Variants in CLIP1 observed in about 807,000 individuals in gnomAD.
CLIP1 encodes the protein CAP-Gly domain containing linker protein 1, also known as CAP-Gly domain-containing linker protein 1.
CLIP1 carries 66 observed loss-of-function variants against 161.6 expected under a neutral mutation model. That is an observed-to-expected ratio of 0.41 (90% CI 0.33 to 0.50). CLIP1 has a LOEUF of 0.50. Among genes scored for constraint, CLIP1 ranks in the 20% least tolerant of loss-of-function variants. The pLI is 0.27. For synonymous variants in CLIP1, 598 were observed against 626.2 expected, an observed-to-expected ratio of 0.96 and a Z score of 0.67; for missense variants, 1,376 against 1,702.0, an observed-to-expected ratio of 0.81 and a Z score of 3.37.
At chr12:122,330,894 C>G (rs1157540076) in intron 15 of CLIP1, among the ~76,000 whole-genome samples, 2 of 151,894 alleles carry the variant, frequency 1.3e-5, no homozygotes, top group African/African-American at 2.4e-5. Context: ...AGCCACCACG[C>G]CCGGCCTACA....
intron 3 of CLIP1, among the ~76,000 whole-genome samples, chr12:122,372,404 A>G (rs1954496393): frequency 6.6e-6 from 1 of 151,164 alleles, no homozygotes; most frequent in South Asian, 2.1e-4. Flanking sequence ...GACAAGAGTG[A>G]AACCTGGTCT....
In CLIP1 at chr12:122,297,604, T is replaced by C. The variant is rs1291710058; in HGVS notation, c.3595-9063A>G. On this transcript the variant is annotated intron_variant, in intron 20 of 25. Transcript: ENST00000620786. The stretch of plus-strand genomic sequence containing the variant: ...CTCGAACCAAGCAAGTGTTCTGAGG[T>C]CCAAAATAGCAGCTCTACCTTGACA... Among the ~76,000 whole-genome samples the C allele has an allele frequency of 5.9e-5, 9 of 152,172 alleles. No individual in the cohort carries two copies. The South Asian group carries it at 6.2e-4, about 11-fold the overall frequency.
At chr12:122,393,182 T>A in intron 1 of CLIP1, among the ~76,000 whole-genome samples, 1 of 151,228 alleles carries the variant, frequency 6.6e-6, no homozygotes, top group Non-Finnish European at 1.5e-5. Flanking sequence ...TTTTTTTTTT[T>A]AGATGGAGTC....
chr12:122,366,306 CAA>C (rs11458072), intron 3 of CLIP1, among the ~76,000 whole-genome samples: 8 of 139,262 alleles, frequency 5.7e-5, no homozygotes, highest in East Asian at 2.2e-4. Flanking sequence ...GACTCTGTCT[CAA>C]AAAAAAAAAA....
rs553060775 is a variant in CLIP1, at chr12:122,305,627, T to C, written c.3594+4135A>G. Among the ~76,000 whole-genome samples, 77 of 152,228 alleles carry C rather than the reference T, an allele frequency of 5.1e-4. 3 individuals are homozygous for C. The South Asian group carries it at 0.013, about 26-fold the overall frequency. ...AATACTGAGTGTCAACTCGATTGGA[T>C]TGAGGATGCAAAGTACTGATCCTGG... On this transcript the variant is annotated intron_variant, in intron 20 of 25. Transcript: ENST00000620786.
Position 122,334,034 on chromosome 12 carries a change from G to T in CLIP1, c.2703C>A (p.Asn901Lys). ...CCAGAGATGTCTTCTTACCTGCTAA[G>T]TTTTCTCTCAGCTTCTCCAAGTCAG... ...LSSDLEKLRE[N>K]LADMEAKFRE... Residue 901 changes from asparagine (N) to lysine (K), a missense_variant, in exon 14 of 26, where the codon AAC becomes AAA. Physicochemically the swap from Asn to Lys is moderately conservative, Grantham distance 94. Coordinates refer to ENST00000620786, the MANE Select transcript of CLIP1 (RefSeq NM_001247997.2). 1 of 1,609,068 alleles carries T rather than the reference G, an allele frequency of 6.2e-7. No homozygotes were observed. The highest frequency in any genetic ancestry group is 8.5e-7 in the Non-Finnish European group (1 of 1,175,458).
chr12:122,278,673 G>A, intron 23 of CLIP1, 119 bp downstream of exon 23: 2 of 1,066,258 alleles, frequency 1.9e-6, no homozygotes, highest in Non-Finnish European at 2.7e-6. Context: ...TGGTGGAAGA[G>A]CTAAGGAGAG....
chr12:122,362,453 C>T (rs900283659), intron 4 of CLIP1, among the ~76,000 whole-genome samples: 11 of 149,808 alleles, frequency 7.3e-5, no homozygotes, highest in African/African-American at 2.4e-4. Flanking sequence ...CCATCCTGTC[C>T]AACATGGTGA....
intron 18 of CLIP1, among the ~76,000 whole-genome samples, chr12:122,318,361 C>T (rs746318454): frequency 6.6e-6 from 1 of 152,112 alleles, no homozygotes; most frequent in Non-Finnish European, 1.5e-5. Flanking sequence ...GGCAAAACTC[C>T]GTCCCTACTT....
intron 15 of CLIP1, among the ~76,000 whole-genome samples, chr12:122,331,001 T>G (rs1052556319): frequency 2.0e-5 from 3 of 151,688 alleles, no homozygotes; most frequent in African/African-American, 7.3e-5. Context: ...GCTCCCTCCC[T>G]TCCTTTTTAT....
chr12:122,412,153 C>T (rs1956560955), intron 1 of CLIP1, among the ~76,000 whole-genome samples: 2 of 147,054 alleles, frequency 1.4e-5, no homozygotes, highest in Non-Finnish European at 3.0e-5. Flanking sequence ...ACTGCAGCCT[C>T]AACCTCCTGG....
At chr12:122,319,602 A>C (rs1442933169) in intron 17 of CLIP1, among the ~76,000 whole-genome samples, 3 of 152,262 alleles carry the variant, frequency 2.0e-5, no homozygotes, top group Non-Finnish European at 4.4e-5. Context: ...GCATGTAAAC[A>C]TACATCTTCC....
chr12:122,315,726 C>T (rs12814554), intron 19 of CLIP1, among the ~76,000 whole-genome samples: 32,542 of 150,834 alleles, frequency 0.22, 4,627 homozygotes, highest in East Asian at 0.61. Flanking sequence ...CTGCAAACTC[C>T]GCCTCCCGGG....
chr12:122,273,223 A>G (rs1422863977), intron 25 of CLIP1, 123 bp from the exon 26 acceptor site: 6 of 702,298 alleles, frequency 8.5e-6, no homozygotes, highest in Admixed American at 2.7e-5. Flanking sequence ...AGCTTCCAGT[A>G]TAAGTAGTGC....
chr12:122,338,236 G>A (rs1365562273), intron 11 of CLIP1, among the ~76,000 whole-genome samples: 1 of 152,170 alleles, frequency 6.6e-6, no homozygotes, highest in Non-Finnish European at 1.5e-5. Context: ...TACTGGGGAA[G>A]CTGAAGCAGG....
intron 1 of CLIP1, among the ~76,000 whole-genome samples, chr12:122,387,736 A>T (rs1955390121): frequency 6.7e-6 from 1 of 150,080 alleles, no homozygotes; most frequent in Non-Finnish European, 1.5e-5. Flanking sequence ...ACAGGCACAC[A>T]CCACCATGCT....
chr12:122,286,998 A>G (rs949524902), intron 21 of CLIP1, among the ~76,000 whole-genome samples: 50 of 151,952 alleles, frequency 3.3e-4, no homozygotes, highest in African/African-American at 1.1e-3. Flanking sequence ...AGTCTGCCTC[A>G]AAAAACAAAC....
At chr12:122,315,169 T>C (rs899644035) in intron 19 of CLIP1, among the ~76,000 whole-genome samples, 1 of 152,224 alleles carries the variant, frequency 6.6e-6, no homozygotes, top group Non-Finnish European at 1.5e-5. Flanking sequence ...TTGAGGATGA[T>C]GACTTAAAAC....
intron 20 of CLIP1, among the ~76,000 whole-genome samples, chr12:122,302,164 T>C (rs866864275): frequency 2.0e-5 from 3 of 152,290 alleles, no homozygotes; most frequent in African/African-American, 7.2e-5. Flanking sequence ...GTAATGGCGC[T>C]ATCTCAGCTC....
Sources: allele counts gnomAD v4.1 joint callset (sites outside exome capture counted in the v4.1 genomes callset), GRCh38; gene constraint gnomAD v4.1.1; transcripts MANE v1.5; gene names NCBI Gene and HGNC (gene_info 2026-07-23, HGNC 2026-07-21).